ANPEP: variants seen among roughly 807,000 people sequenced by gnomAD.
The protein encoded by ANPEP is aminopeptidase N.
A neutral mutation model predicts 114.6 loss-of-function variants in ANPEP; 70 were observed. The observed-to-expected ratio is 0.61, with a 90% CI of 0.50 to 0.75. The LOEUF (loss-of-function observed/expected upper bound fraction) is 0.75, where lower values mean the gene tolerates loss of function less well. Among genes scored for constraint, ANPEP ranks in the 30% least tolerant of loss-of-function variants. ANPEP has a pLI of 0.00. For missense variants in ANPEP, 1,184 were observed against 1,259.5 expected (o/e 0.94, Z 0.91); for synonymous variants, 548 against 522.3 (o/e 1.05, Z -0.67).
Position 89,793,037 on chromosome 15 carries a change from G to A in ANPEP, c.2247C>T (p.Asp749=), listed in dbSNP as rs1257196078. Residue 749 remains aspartate, a splice_region_variant and synonymous_variant, in exon 16 of 21, where the codon GAC becomes GAT. Coordinates refer to ENST00000300060, the MANE Select transcript of ANPEP (RefSeq NM_001150.3). ...AACCCATGAGAGCTCCCACTCACTG[G>A]TCCATCAGGTTTTCTGGGATCTCCC... ...NWREIPENLM[D]QYSEVNAIST... 9 of 1,613,528 alleles carry A rather than the reference G, an allele frequency of 5.6e-6. No homozygotes were observed. Among genetic ancestry groups the A allele is most frequent in the Non-Finnish European group, 7.6e-6 (9 of 1,179,592 alleles).
chr15:89,801,958 G>A (rs1894602439), intron 10 of ANPEP, among the ~76,000 whole-genome samples: 1 of 152,128 alleles, frequency 6.6e-6, no homozygotes, highest in Non-Finnish European at 1.5e-5. Context: ...GAGAAAGCCA[G>A]TGTTCAGGTG....
At chr15:89,791,723 G>A (rs1968631756) in intron 18 of ANPEP, among the ~76,000 whole-genome samples, 1 of 151,932 alleles carries the variant, frequency 6.6e-6, no homozygotes, top group African/African-American at 2.4e-5. Flanking sequence ...AAAGTGCTGG[G>A]ATTACAGGTA....
chr15:89,792,649 T>TGTG (rs1968654751), intron 16 of ANPEP, 87 bp from the exon 17 acceptor site: 1 of 1,187,878 alleles, frequency 8.4e-7, no homozygotes, highest in Non-Finnish European at 1.2e-6. Context: ...GCCGGCACCC[T>TGTG]GCCTAAGGCT....
At chr15:89,788,827 C>G (rs1376300908) in intron 20 of ANPEP, among the ~76,000 whole-genome samples, 1 of 150,606 alleles carries the variant, frequency 6.6e-6, no homozygotes, top group Non-Finnish European at 1.5e-5. Context: ...ATGATATTGC[C>G]CAGGCTGGTC....
rs531576253 is a variant in ANPEP, at chr15:89,804,728, G to T, written c.898-111C>A. 3.4e-5 allele frequency: 49 copies of T among 1,449,610 alleles called. No homozygotes were observed. The African/African-American group carries it at 5.8e-4, about 17-fold the overall frequency. 89.8% of individuals were successfully genotyped at this position (1,449,610 alleles called of 1,614,324 possible). ...GGGGATCCCTGATGGGCCAGGGCTG[G>T]AGGCCAATCAAGCTAAACCTAGAGG... is the stretch of plus-strand genomic sequence containing the variant. On this transcript the variant is annotated intron_variant, in intron 4 of 20. Coordinates refer to ENST00000300060, the MANE Select transcript of ANPEP (RefSeq NM_001150.3).
rs956947392 is a variant in ANPEP at position 89,803,515 on chromosome 15, G to T, written c.1438-8C>A. On this transcript the variant is annotated splice_polypyrimidine_tract_variant and splice_region_variant and intron_variant, in intron 8 of 20. Transcript: ENST00000300060. The surrounding 1 kb of genome is among the most constrained non-coding windows in gnomAD (Gnocchi z 4.2). ...CCTGAGGACTGAGGCGCCCTGGGGT[G>T]GGGGTGAGGGGGCGCTCAGAAGGCT... 1.9e-6 allele frequency: 3 copies of T among 1,606,366 alleles called. No homozygotes were observed. The highest frequency in any genetic ancestry group is 2.7e-5 in the African/African-American group (2 of 74,946).
At chr15:89,791,839 G>T (rs1968633474) in intron 18 of ANPEP, among the ~76,000 whole-genome samples, 1 of 151,994 alleles carries the variant, frequency 6.6e-6, no homozygotes, top group African/African-American at 2.4e-5. Flanking sequence ...GGGCTTGAGG[G>T]GGTGCCCAGC....
intron 15 of ANPEP, among the ~76,000 whole-genome samples, chr15:89,794,970 T>A (rs912944583): frequency 1.3e-5 from 2 of 152,108 alleles, no homozygotes; most frequent in African/African-American, 4.8e-5. Context: ...ACACTCCACC[T>A]TCCCATGGAG....
chr15:89,801,515 C>T lies in ANPEP; in HGVS notation c.1662G>A (p.Val554=). 2 of 1,614,196 alleles carry T rather than the reference C, an allele frequency of 1.2e-6. No homozygotes were observed. Among genetic ancestry groups the T allele is most frequent in the Non-Finnish European group, 1.7e-6 (2 of 1,180,036 alleles). Residue 554 remains valine (V), a synonymous_variant, in exon 11 of 21, where the codon GTG becomes GTA. Transcript: ENST00000300060. ...GGGAAAGGGTCCCCGTGCTGGTATC[C>T]ACCGTGATGACCGGGAAGCCCATCT... ...TLQMGFPVIT[V]DTSTGTLSQE...
rs1418204676 is a variant in ANPEP, at chr15:89,806,617, G to A, written c.-34C>T. The A allele has an allele frequency of 2.6e-6, 4 of 1,540,682 alleles. No homozygotes were observed. In the South Asian group the frequency reaches 3.7e-5, roughly 14 times the overall value. On this transcript the variant is annotated 5_prime_UTR_variant, in exon 2 of 21. Transcript: ENST00000300060. This position sits in a 1 kb window ranked among gnomAD's most constrained non-coding sequence, Gnocchi z 5.7. ...TGGGGAGGCGGCTCAGGGAGCCTCA[G>A]GCCAGGCAGAGAACGGAGCAGCCCC... is the stretch of plus-strand genomic sequence containing the variant.
Position 89,792,203 on chromosome 15 carries a change from G to A in ANPEP, c.2485C>T (p.Arg829Trp), listed in dbSNP as rs200752447. 3.3e-5 allele frequency: 54 copies of A among 1,614,218 alleles called. No individual in the cohort carries two copies. The highest frequency in any genetic ancestry group is 3.8e-5 in the Non-Finnish European group (45 of 1,180,038). Residue 829 changes from arginine to tryptophan, a missense_variant, in exon 18 of 21, where the codon CGG (arginine) becomes TGG (tryptophan). Arg to Trp is a moderately radical substitution (Grantham distance 101, BLOSUM62 -3). Transcript: ENST00000300060. ...ATLVNEADKL[R>W]AALACSKELW... ...TCTTTGCTGCAGGCCAGGGCTGCCC[G>A]GAGCTTGTCAGCCTCATTGACCAGT...
In ANPEP at chr15:89,805,113, C is replaced by G; in HGVS notation, c.862G>C (p.Asp288His). Residue 288 changes from aspartate (D) to histidine (H), a missense_variant, in exon 4 of 21, where the codon GAC (aspartate) becomes CAC (histidine). Transcript: ENST00000300060. ...TTGGATGCCTGCTTCTCCACGTAGT[C>G]GAACTCACTGACAATGAAGGCCAGC... ...YLLAFIVSEF[D>H]YVEKQASNGV... The G allele has an allele frequency of 6.2e-7, 1 of 1,614,212 alleles. No homozygotes were observed. The highest frequency in any genetic ancestry group is 8.5e-7 in the Non-Finnish European group (1 of 1,180,030).
chr15:89,797,372 T>C, intron 15 of ANPEP: 2 of 671,670 alleles, frequency 3.0e-6, no homozygotes, highest in South Asian at 2.6e-5. Context: ...CTCACCTCCA[T>C]GTCCCTCCGG....
chr15:89,791,431 TTTCTTTTCTC>T (rs1214395699), intron 18 of ANPEP, among the ~76,000 whole-genome samples: 2 of 150,990 alleles, frequency 1.3e-5, no homozygotes, highest in African/African-American at 4.9e-5. Flanking sequence ...TTTCTTTTCT[TTTCTTTTCTC>T]TTTTCTTTTC....
intron 2 of ANPEP, 85 bp downstream of exon 2, chr15:89,805,885 A>G (rs1894700328): frequency 2.6e-6 from 4 of 1,511,722 alleles, no homozygotes; most frequent in Non-Finnish European, 3.5e-6. Context: ...AAGGCCTGCA[A>G]GCTAAGTCCT....
intron 19 of ANPEP, 123 bp downstream of exon 19, chr15:89,790,830 C>A: frequency 3.9e-6 from 5 of 1,280,824 alleles, no homozygotes; most frequent in Non-Finnish European, 4.3e-6. Context: ...CCCTAGCCCC[C>A]AGGCTTGGCT....
chr15:89,797,073 C>T (rs1220727035), intron 15 of ANPEP, among the ~76,000 whole-genome samples: 2 of 152,124 alleles, frequency 1.3e-5, no homozygotes, highest in Non-Finnish European at 1.5e-5. Context: ...CCTTAAGATA[C>T]TCCAAAGCAG....
rs762484678 is a variant in ANPEP, at chr15:89,804,379, G to A, written c.1053C>T (p.Ala351=). The change falls in exon 6 of 21, where the codon GCC becomes GCT. Residue 351 remains alanine (A), a synonymous_variant. Transcript: ENST00000300060. ...CCAGTCCCCAGTTCTCCATGGCGCC[G>A]GCGTTGAAGTCTGGCAGGCCAATCT... ...SDQIGLPDFN[A]GAMENWGLVT... 13 of 1,614,118 alleles carry A rather than the reference G, an allele frequency of 8.1e-6. No individual in the cohort carries two copies. Among genetic ancestry groups the A allele is most frequent in the East Asian group, 2.2e-5 (1 of 44,896 alleles).
rs1894563335 is a variant in ANPEP, at chr15:89,800,422, C to T, written c.1819+689G>A. On this transcript the variant is annotated intron_variant, in intron 12 of 20. Coordinates refer to ENST00000300060, the MANE Select transcript of ANPEP (RefSeq NM_001150.3). ...GCACTAGAATGCCTCCAACTTCTTGCCTTCCTTCATCTGTAGCCTTGGCCA... is the reference window on the plus strand; with the variant it reads ...GCACTAGAATGCCTCCAACTTCTTGTCTTCCTTCATCTGTAGCCTTGGCCA... 2.6e-5 allele frequency among the ~76,000 whole-genome samples: 4 copies of T among 152,188 alleles called. No individual in the cohort carries two copies. The South Asian group carries it at 8.3e-4, about 31-fold the overall frequency.
Sources: gnomAD v4.1 joint callset for allele counts (sites outside exome capture counted in the v4.1 genomes callset) on GRCh38, gnomAD v4.1.1 for gene constraint, Gnocchi (gnomAD v3.1) non-coding constraint, MANE v1.5 for transcripts, NCBI Gene and HGNC (gene_info 2026-07-23, HGNC 2026-07-21) for gene names.